Variants in SERAC1 observed in about 807,000 individuals in gnomAD.
The protein encoded by SERAC1 is protein SERAC1.
SERAC1 carries 36 observed loss-of-function variants against 85.7 expected under a neutral mutation model. The observed-to-expected ratio is 0.42, with a 90% CI of 0.32 to 0.55. SERAC1 has a LOEUF of 0.55. SERAC1 is among the 20% of genes least tolerant of loss of function. SERAC1 has a pLI of 0.11. For synonymous variants in SERAC1, 242 were observed against 265.3 expected (o/e 0.91, Z 0.85); for missense variants, 629 against 796.2 (o/e 0.79, Z 2.53).
At chr6:158,122,495 C>G (rs976440291) in intron 10 of SERAC1, among the ~76,000 whole-genome samples, 1 of 152,114 alleles carries the variant, frequency 6.6e-6, no homozygotes, top group African/African-American at 2.4e-5. Context: ...TAAACACATA[C>G]AATGGGCCAG....
At chr6:158,164,100 T>C (rs542574780) in intron 1 of SERAC1, among the ~76,000 whole-genome samples, 70 of 152,098 alleles carry the variant, frequency 4.6e-4, no homozygotes, top group Non-Finnish European at 8.5e-4. Context: ...GTGTCCTTCC[T>C]TTTCAAGACG....
Position 158,116,237 on chromosome 6 carries a change from T to C in SERAC1, c.1449A>G (p.Arg483=). 1 of 1,614,136 alleles carries C rather than the reference T, an allele frequency of 6.2e-7. No homozygotes were observed. Among genetic ancestry groups the C allele is most frequent in the East Asian group, 2.2e-5 (1 of 44,888 alleles). The change falls in exon 14 of 17, where the codon AGA becomes AGG. Residue 483 remains arginine (R), a synonymous_variant. Coordinates refer to ENST00000647468, the MANE Select transcript of SERAC1 (RefSeq NM_032861.4). The part of the protein sequence containing the change: ...FRSNELLRKL[R]AAGVGDRPVV... ...CTGGCCTATCCCCAACACCAGCAGC[T>C]CTGAGCTTCCTAAGAAGTTCGTTGC...
At chr6:158,123,038 T>C (rs1425373673) in intron 10 of SERAC1, among the ~76,000 whole-genome samples, 1 of 152,016 alleles carries the variant, frequency 6.6e-6, no homozygotes, top group African/African-American at 2.4e-5. Flanking sequence ...CTAAGATTGA[T>C]ACAAAATATA....
At chr6:158,157,148 C>G (rs1005199248) in intron 2 of SERAC1, among the ~76,000 whole-genome samples, 29 of 151,434 alleles carry the variant, frequency 1.9e-4, no homozygotes, top group Non-Finnish European at 2.7e-4. Context: ...AGGCGCCCAC[C>G]ACCACACCCA....
At chr6:158,115,995 G>A (rs1784278381) in intron 14 of SERAC1, among the ~76,000 whole-genome samples, 190 bp downstream of exon 14, 1 of 152,230 alleles carries the variant, frequency 6.6e-6, no homozygotes, top group Non-Finnish European at 1.5e-5. Context: ...CCCTTTTCTA[G>A]AGAAAGGAAC....
chr6:158,135,976 A>AT (rs894706839), intron 8 of SERAC1, among the ~76,000 whole-genome samples: 2 of 151,758 alleles, frequency 1.3e-5, no homozygotes, highest in Non-Finnish European at 2.9e-5. Context: ...CGCCTGGCTA[A>AT]TTTTTTTGTA....
Position 158,110,614 on chromosome 6 carries a change from T to G in SERAC1, c.*752A>C, listed in dbSNP as rs893961397. On this transcript the variant is annotated 3_prime_UTR_variant, in exon 17 of 17. Coordinates refer to ENST00000647468, the MANE Select transcript of SERAC1 (RefSeq NM_032861.4). ...ATCTGAGAATCTTGATACTAAGAATTGCTAATTCATATAATGGCTTAGAAT... is the reference window on the plus strand; with the variant it reads ...ATCTGAGAATCTTGATACTAAGAATGGCTAATTCATATAATGGCTTAGAAT... 2.0e-5 allele frequency: 3 copies of G among 152,208 alleles called. No homozygotes were observed. The highest frequency in any genetic ancestry group is 3.8e-4 in the East Asian group (2 of 5,200). 9.4% of individuals were successfully genotyped at this position (152,208 alleles called of 1,614,324 possible). A position where few individuals can be genotyped will look rare whatever the true frequency, so the allele number is the denominator to read the frequency against.
In SERAC1 at chr6:158,122,028, C is replaced by G. The variant is rs114016394; in HGVS notation, c.1016-1453G>C. Among the ~76,000 whole-genome samples, 593 of 152,316 alleles carry G rather than the reference C, an allele frequency of 3.9e-3. 6 individuals carry two copies. The highest frequency in any genetic ancestry group is 0.014 in the African/African-American group (568 of 41,574). On this transcript the variant is annotated intron_variant, in intron 10 of 16. Transcript: ENST00000647468. Reference sequence around the variant, plus strand: ...AATGAACCACAAATACTATGGTGATCCCATAAGATTATAGTACAGTATTTT... The same window carrying G: ...AATGAACCACAAATACTATGGTGATGCCATAAGATTATAGTACAGTATTTT...
At chr6:158,115,782 G>A (rs1438323172) in intron 14 of SERAC1, among the ~76,000 whole-genome samples, 1 of 152,124 alleles carries the variant, frequency 6.6e-6, no homozygotes, top group East Asian at 1.9e-4. Flanking sequence ...GGGACTGTGG[G>A]CACTAAAGCG....
At chr6:158,112,726 G>T (rs1044258781) in intron 16 of SERAC1, 3 of 150,398 alleles carry the variant, frequency 2.0e-5, no homozygotes, top group Non-Finnish European at 2.9e-5. Context: ...GCTACCACCA[G>T]AACAGCACCT....
In SERAC1 at chr6:158,114,852, C is replaced by A. The variant is rs1198559961; in HGVS notation, c.1621G>T (p.Glu541Ter). The A allele has an allele frequency of 6.2e-7, 1 of 1,614,026 alleles. No homozygotes were observed. Among genetic ancestry groups the A allele is most frequent in the Non-Finnish European group, 8.5e-7 (1 of 1,179,978 alleles). The change falls in exon 15 of 17, where the codon GAA becomes TAA. Residue 541 changes from glutamate to a stop codon, truncating the protein, a stop_gained. Coordinates refer to ENST00000647468, the MANE Select transcript of SERAC1 (RefSeq NM_032861.4). LOFTEE classifies it high-confidence loss of function. Reference protein sequence around the residue: ...SVPHHGSRLAEYSVNIRYLLF... With the variant: ...SVPHHGSRLA ...AGATAGCGAATATTAACAGAGTATT[C>A]AGCCAAACGTGATCCATGATGAGGG...
At chr6:158,149,002 T>TC in intron 4 of SERAC1, 48 bp from the exon 5 acceptor site, 7 of 1,409,244 alleles carry the variant, frequency 5.0e-6, no homozygotes, top group Non-Finnish European at 6.8e-6. Context: ...ATTTTTTTTT[T>TC]CTTTTGAGAT....
rs775467089 is a variant in SERAC1, at chr6:158,150,455, T to C, written c.263A>G (p.His88Arg). Residue 88 changes from histidine to arginine, a missense_variant and splice_region_variant, in exon 4 of 17, where the codon CAT (histidine) becomes CGT (arginine). Coordinates refer to ENST00000647468, the MANE Select transcript of SERAC1 (RefSeq NM_032861.4). ...GGATTACTTTACAATAAACTTACCATGATTTTCTCCTTTGTCTAAAGAAAC... is the reference window on the plus strand; with the variant it reads ...GGATTACTTTACAATAAACTTACCACGATTTTCTCCTTTGTCTAAAGAAAC... ...HTVSLDKGEN[H>R]GIAWQARKEL... The C allele has an allele frequency of 1.0e-5, 16 of 1,566,080 alleles. No individual in the cohort carries two copies. In the East Asian group the frequency reaches 2.5e-4, roughly 24 times the overall value.
intron 3 of SERAC1, among the ~76,000 whole-genome samples, chr6:158,152,560 T>C (rs755558031): frequency 6.6e-6 from 1 of 151,868 alleles, no homozygotes; most frequent in Non-Finnish European, 1.5e-5. Flanking sequence ...ACAGTGTTGA[T>C]AAAGTCTATA....
chr6:158,117,303 T>G lies in SERAC1; in HGVS notation c.1403+424A>C. On this transcript the variant is annotated intron_variant, in intron 13 of 16. Transcript: ENST00000647468. This position sits in a 1 kb window ranked among gnomAD's most constrained non-coding sequence, Gnocchi z 4.3. The stretch of plus-strand genomic sequence containing the variant: ...GTCCAGTAACTCTGAAATCCAGCAC[T>G]CCTTCCCATGTATACAACTGGCACA... 7.0e-6 allele frequency: 4 copies of G among 567,896 alleles called. No individual in the cohort carries two copies. The highest frequency in any genetic ancestry group is 1.2e-5 in the Non-Finnish European group (4 of 323,542). The allele number at this position is 567,896 out of a possible 1,614,324, so 35.2% of individuals were successfully genotyped here. A position where few individuals can be genotyped will look rare whatever the true frequency, so the allele number is the denominator to read the frequency against.
Position 158,143,156 on chromosome 6 carries a change from T to C in SERAC1, c.638A>G (p.Gln213Arg). 1.2e-6 allele frequency: 2 copies of C among 1,613,820 alleles called. No homozygotes were observed. The highest frequency in any genetic ancestry group is 1.7e-6 in the Non-Finnish European group (2 of 1,179,832). Residue 213 changes from glutamine (Q) to arginine (R), a missense_variant, in exon 8 of 17, where the codon CAG (glutamine) becomes CGG (arginine). Coordinates refer to ENST00000647468, the MANE Select transcript of SERAC1 (RefSeq NM_032861.4). ...TGTTTGAGGTAAGGAAGCCAGCAAC[T>C]GTCTGAGCTCTTCTTCAGTGGAAGA... ...EDSSTEEELR[Q>R]LLASLPQTEL...
intron 12 of SERAC1, among the ~76,000 whole-genome samples, chr6:158,118,200 T>C (rs532780371): frequency 2.8e-4 from 42 of 152,308 alleles, no homozygotes; most frequent in African/African-American, 9.9e-4. Context: ...TCAGAGACAC[T>C]AATAATAATC....
intron 8 of SERAC1, among the ~76,000 whole-genome samples, chr6:158,131,266 T>G (rs1271748305): frequency 6.7e-6 from 1 of 148,436 alleles, no homozygotes; most frequent in African/African-American, 2.4e-5. Flanking sequence ...ATAAATACAA[T>G]GCCTCTAAAA....
intron 8 of SERAC1, among the ~76,000 whole-genome samples, chr6:158,132,594 CA>C (rs761973941): frequency 1.6e-4 from 25 of 152,236 alleles, no homozygotes; most frequent in Non-Finnish European, 3.2e-4. Context: ...CTAAATTCCC[CA>C]AGGACAGAGA....
Sources: allele counts gnomAD v4.1 joint callset (sites outside exome capture counted in the v4.1 genomes callset), GRCh38; gene constraint gnomAD v4.1.1; non-coding constraint Gnocchi (gnomAD v3.1); transcripts MANE v1.5; gene names NCBI Gene and HGNC (gene_info 2026-07-23, HGNC 2026-07-21).